Variants in PLXNA2 observed in about 807,000 individuals in gnomAD.
PLXNA2 encodes the protein plexin A2, also known as plexin-A2.
In PLXNA2, 91 loss-of-function variants were observed where a neutral mutation model predicts 193.5. That is an observed-to-expected ratio of 0.47 (90% confidence interval 0.40 to 0.56). The LOEUF is 0.56. Among genes scored for constraint, PLXNA2 ranks in the 20% least tolerant of loss-of-function variants. PLXNA2 has a pLI of 0.00. For synonymous variants in PLXNA2, 997 were observed against 1,027.3 expected, an observed-to-expected ratio of 0.97 and a Z score of 0.56; for missense variants, 1,995 against 2,503.2, an observed-to-expected ratio of 0.80 and a Z score of 4.33.
chr1:208,060,885 G>A, intron 12 of PLXNA2, 48 bp from the exon 13 acceptor site: 1 of 1,584,830 alleles, frequency 6.3e-7, no homozygotes. Context: ...CACAGGAACA[G>A]AAACAGCAGC....
intron 3 of PLXNA2, among the ~76,000 whole-genome samples, chr1:208,152,836 T>TCTTCATGCCTTTG (rs1553288622): frequency 6.6e-6 from 1 of 151,542 alleles, no homozygotes; most frequent in African/African-American, 2.4e-5. Flanking sequence ...AGCTTTTTCG[T>TCTTCATGCCTTTG]CTTCACGCCT....
At position 208,039,735 on chromosome 1, in the gene PLXNA2, G is replaced by A; in HGVS notation, c.4386C>T (p.Tyr1462=). The A allele has an allele frequency of 6.2e-7, 1 of 1,614,182 alleles. No individual in the cohort carries two copies. Among genetic ancestry groups the A allele is most frequent in the Non-Finnish European group, 8.5e-7 (1 of 1,180,036 alleles). The change falls in exon 24 of 32, where the codon TAC becomes TAT. Residue 1462 remains tyrosine, a synonymous_variant. Coordinates refer to ENST00000367033, the MANE Select transcript of PLXNA2 (RefSeq NM_025179.4). ...ECAGEPLFML[Y]CAIKQQMEKG... ...TCTCCATCTGCTGCTTGATGGCACA[G>A]TATAGCATGAAGAGTGGCTCCCCTG... is the stretch of plus-strand genomic sequence containing the variant.
chr1:208,235,874 T>A (rs12126035), intron 1 of PLXNA2, among the ~76,000 whole-genome samples: 2 of 151,978 alleles, frequency 1.3e-5, no homozygotes, highest in Non-Finnish European at 2.9e-5. Context: ...TCACTCAGAG[T>A]GGGGCGGTAG....
intron 4 of PLXNA2, among the ~76,000 whole-genome samples, chr1:208,120,795 G>A (rs746583342): frequency 6.6e-6 from 1 of 152,140 alleles, no homozygotes; most frequent in African/African-American, 2.4e-5. Context: ...TAAATATTGT[G>A]GGCCCTCTTA....
Position 208,033,311 on chromosome 1 carries a change from G to A in PLXNA2, c.5055+8C>T. ...AGCACTCCCTGGTCTGGGCAGAGGG[G>A]GAGTTACCTTGGTGGCCAGTAGCCG... On this transcript the variant is annotated splice_region_variant and intron_variant, in intron 28 of 31. Coordinates refer to ENST00000367033, the MANE Select transcript of PLXNA2 (RefSeq NM_025179.4). 2 of 1,609,846 alleles carry A rather than the reference G, an allele frequency of 1.2e-6. No individual in the cohort carries two copies. Among genetic ancestry groups the A allele is most frequent in the South Asian group, 1.1e-5 (1 of 90,454 alleles).
chr1:208,221,331 T>G (rs991603961), intron 1 of PLXNA2, among the ~76,000 whole-genome samples: 1 of 152,266 alleles, frequency 6.6e-6, no homozygotes, highest in Non-Finnish European at 1.5e-5. Context: ...CTGAGGTTTT[T>G]TGCTCCAACC....
chr1:208,182,047 T>TATCTC (rs1558232530), intron 3 of PLXNA2, among the ~76,000 whole-genome samples: 1 of 151,610 alleles, frequency 6.6e-6, no homozygotes, highest in Admixed American at 6.6e-5. Flanking sequence ...CTGTTCAGTC[T>TATCTC]AGCTCAGCTC....
chr1:208,060,915 G>C, intron 12 of PLXNA2, 78 bp from the exon 13 acceptor site: 1 of 1,407,822 alleles, frequency 7.1e-7, no homozygotes, highest in East Asian at 2.3e-5. Context: ...CCTCCCCCAG[G>C]GAGGTTTAAG....
intron 3 of PLXNA2, among the ~76,000 whole-genome samples, chr1:208,153,350 G>T (rs912144950): frequency 6.6e-6 from 1 of 152,174 alleles, no homozygotes; most frequent in Non-Finnish European, 1.5e-5. Flanking sequence ...TCACAAAGCT[G>T]GTAGGCAAAA....
chr1:208,063,386 T>C (rs1665678697), intron 12 of PLXNA2, among the ~76,000 whole-genome samples: 1 of 152,204 alleles, frequency 6.6e-6, no homozygotes, highest in South Asian at 2.1e-4. Flanking sequence ...TGGGGTGCTG[T>C]AGGGTCTATT....
At chr1:208,210,523 C>A (rs1208952706) in intron 2 of PLXNA2, 61 bp from the exon 3 acceptor site, 1 of 1,431,454 alleles carries the variant, frequency 7.0e-7, no homozygotes, top group Admixed American at 2.1e-5. Flanking sequence ...AGTCTCTACA[C>A]GACCCATATC....
intron 3 of PLXNA2, among the ~76,000 whole-genome samples, chr1:208,173,571 C>T (rs1053212094): frequency 2.0e-5 from 3 of 152,196 alleles, no homozygotes; most frequent in East Asian, 1.9e-4. Flanking sequence ...TCCAGCCCAG[C>T]GTTCTTTCCA....
chr1:208,096,521 C>T (rs1245613170), intron 7 of PLXNA2, among the ~76,000 whole-genome samples: 2 of 152,228 alleles, frequency 1.3e-5, no homozygotes, highest in Admixed American at 6.5e-5. Context: ...ACGCTGTGTT[C>T]TGTGCAGCCT....
chr1:208,023,154 GC>G lies in PLXNA2; in HGVS notation c.*4088del, dbSNP rs1664235263. 6.6e-6 allele frequency: 1 copy of G among 152,186 alleles called. No homozygotes were observed. The highest frequency in any genetic ancestry group is 2.4e-5 in the African/African-American group (1 of 41,428). The allele number at this position is 152,186 out of a possible 1,614,324, so 9.4% of individuals were successfully genotyped here. ...AGTTCCCCGTCGATCTGCTCCCACA[GC>G]CCTGTGTCTGTGAAGCCACTTTGCA... On this transcript the variant is annotated 3_prime_UTR_variant, in exon 32 of 32. Transcript: ENST00000367033.
In PLXNA2 at chr1:208,142,366, A is replaced by G. The variant is rs1182570452; in HGVS notation, c.1469T>C (p.Ile490Thr). Residue 490 changes from isoleucine to threonine, a missense_variant, in exon 4 of 32, where the codon ATT becomes ACT. This residue lies in a region of PLXNA2 where 702 missense variants were observed against 812.9 expected (regional missense o/e 0.86). Coordinates refer to ENST00000367033, the MANE Select transcript of PLXNA2 (RefSeq NM_025179.4). Reference protein sequence around the residue: ...SPILRDMAFSIDQRYLYVMSE... With the variant: ...SPILRDMAFSTDQRYLYVMSE... Reference sequence around the variant, plus strand: ...CATGACGTACAGGTAGCGCTGATCAATGGAGAAGGCCATGTCCCGGAGGAT... The same window carrying G: ...CATGACGTACAGGTAGCGCTGATCAGTGGAGAAGGCCATGTCCCGGAGGAT... 5.0e-6 allele frequency: 8 copies of G among 1,613,752 alleles called. No individual in the cohort carries two copies. In the South Asian group the frequency reaches 5.5e-5, roughly 11 times the overall value.
intron 4 of PLXNA2, among the ~76,000 whole-genome samples, chr1:208,115,307 T>C (rs1324827690): frequency 6.6e-6 from 1 of 152,230 alleles, no homozygotes; most frequent in Non-Finnish European, 1.5e-5. Flanking sequence ...CATTTGCTTG[T>C]TTATTCATTC....
intron 4 of PLXNA2, among the ~76,000 whole-genome samples, chr1:208,138,690 G>A (rs1399006841): frequency 6.6e-6 from 1 of 152,166 alleles, no homozygotes; most frequent in Non-Finnish European, 1.5e-5. Flanking sequence ...TTCGAGACCA[G>A]CCTGGGCAAC....
At chr1:208,203,188 A>G (rs1393090568) in intron 3 of PLXNA2, among the ~76,000 whole-genome samples, 1 of 152,150 alleles carries the variant, frequency 6.6e-6, no homozygotes, top group African/African-American at 2.4e-5. Context: ...AGTTCTGGGG[A>G]CCCAAGAGGC....
At position 208,098,458 on chromosome 1, in the gene PLXNA2, T is replaced by TCACACA. The variant is rs56677339; in HGVS notation, c.1731+382_1731+387dup. On this transcript the variant is annotated intron_variant, in intron 6 of 31. Coordinates refer to ENST00000367033, the MANE Select transcript of PLXNA2 (RefSeq NM_025179.4). The stretch of plus-strand genomic sequence containing the variant: ...CTCTCTCTCTCTCTCTCTCTCTCTC[T>TCACACA]CACACACACACACACACACACACAC... 2.6e-3 allele frequency among the ~76,000 whole-genome samples: 323 copies of TCACACA among 123,508 alleles called. 2 individuals carry two copies. The highest frequency in any genetic ancestry group is 0.014 in the Middle Eastern group (3 of 220). The allele number at this position is 123,508 out of a possible 152,430, so 81.0% of individuals were successfully genotyped here. A position where few individuals can be genotyped will look rare whatever the true frequency, so the allele number is the denominator to read the frequency against.
Sources: gnomAD v4.1 joint callset for allele counts (sites outside exome capture counted in the v4.1 genomes callset) on GRCh38, gnomAD v4.1.1 for gene constraint, gnomAD v4.1.1 regional missense constraint, MANE v1.5 for transcripts, NCBI Gene and HGNC (gene_info 2026-07-23, HGNC 2026-07-21) for gene names.